NEU3: variants seen among roughly 807,000 people sequenced by gnomAD.
NEU3 encodes the protein sialidase-3.
NEU3 carries 10 observed loss-of-function variants against 11.4 expected under a neutral mutation model. That is an observed-to-expected ratio of 0.88 (90% CI 0.54 to 1.49). NEU3 has a LOEUF of 1.49. NEU3 is among the 40% of genes most tolerant of loss of function. The probability of loss-of-function intolerance (pLI) is 0.00; values close to 1 mark genes in which losing one functional copy is unlikely to be tolerated. For missense variants in NEU3, 529 were observed against 581.8 expected, an observed-to-expected ratio of 0.91 and a Z score of 0.93; for synonymous variants, 212 against 228.2, an observed-to-expected ratio of 0.93 and a Z score of 0.64.
upstream of NEU3, among the ~76,000 whole-genome samples, chr11:74,984,130 T>G (rs10793107): frequency 0.26 from 38,907 of 152,208 alleles, 5,884 homozygotes; most frequent in East Asian, 0.53. Flanking sequence ...AAAGCCAAGA[T>G]GGCATAGAAA....
intron 2 of NEU3, among the ~76,000 whole-genome samples, chr11:74,999,195 G>T (rs1256071200): frequency 1.3e-5 from 2 of 152,092 alleles, no homozygotes; most frequent in Non-Finnish European, 2.9e-5. Context: ...GAGTGCAGTG[G>T]CTATTCACAG....
At chr11:75,000,247 T>G (rs1489287344) in intron 2 of NEU3, among the ~76,000 whole-genome samples, 1 of 152,218 alleles carries the variant, frequency 6.6e-6, no homozygotes, top group African/African-American at 2.4e-5. Context: ...TGTAGTAAAA[T>G]ACATCTAACA....
intron 2 of NEU3, among the ~76,000 whole-genome samples, chr11:74,998,997 T>C (rs10899053): frequency 0.26 from 38,982 of 152,078 alleles, 5,873 homozygotes; most frequent in East Asian, 0.54. Context: ...TTAATCCTAT[T>C]TTTTAGAGAC....
At chr11:74,994,835 G>C (rs558513187) in intron 2 of NEU3, 115 bp downstream of exon 2, 3 of 1,016,028 alleles carry the variant, frequency 3.0e-6, no homozygotes, top group African/African-American at 1.6e-5. Flanking sequence ...GTGGGGAGCA[G>C]AGGCAGAAAA....
At chr11:74,997,934 T>C (rs189022055) in intron 2 of NEU3, among the ~76,000 whole-genome samples, 2 of 152,324 alleles carry the variant, frequency 1.3e-5, no homozygotes, top group African/African-American at 4.8e-5. Flanking sequence ...GCTATCGGCC[T>C]GTCTTGGCTT....
chr11:74,990,548 T>C (rs1948719781), intron 1 of NEU3, among the ~76,000 whole-genome samples: 1 of 151,988 alleles, frequency 6.6e-6, no homozygotes, highest in Non-Finnish European at 1.5e-5. Context: ...TTAGTAGAGA[T>C]GGGGTGTCAC....
chr11:75,000,700 C>T (rs1448566208), intron 2 of NEU3, among the ~76,000 whole-genome samples: 2 of 151,612 alleles, frequency 1.3e-5, no homozygotes, highest in African/African-American at 4.8e-5. Flanking sequence ...GCTCTGCAAC[C>T]TCGAACTCCT....
intron 1 of NEU3, among the ~76,000 whole-genome samples, chr11:74,990,412 A>T (rs1053539692): frequency 6.6e-6 from 1 of 151,766 alleles, no homozygotes; most frequent in Admixed American, 6.6e-5. Context: ...GCTGGAGTGC[A>T]GTGGTGCAGT....
At chr11:74,986,124 A>G (rs931309729), upstream of NEU3, among the ~76,000 whole-genome samples, 5 of 152,168 alleles carry the variant, frequency 3.3e-5, no homozygotes, top group Admixed American at 1.3e-4. Flanking sequence ...TTTTTGTTCA[A>G]TATTTTGTTT....
intron 1 of NEU3, among the ~76,000 whole-genome samples, chr11:74,993,059 G>A (rs1165094885): frequency 6.6e-6 from 1 of 152,182 alleles, no homozygotes; most frequent in Non-Finnish European, 1.5e-5. Flanking sequence ...GAAAACCAGA[G>A]TGGTTAGCTC....
rs766698480 is a variant in NEU3, at chr11:74,994,576, G to A, written c.162G>A (p.Gly54=). 3.7e-6 allele frequency: 6 copies of A among 1,613,826 alleles called. No homozygotes were observed. The highest frequency in any genetic ancestry group is 1.6e-4 in the Middle Eastern group (1 of 6,082). ...TGTTCCGGCAGGAAGATGACAGAGG[G>A]ATTACCTACCGGATCCCAGCCCTGC... ...SPLFRQEDDR[G]ITYRIPALLY... The change falls in exon 2 of 3, where the codon GGG becomes GGA. Residue 54 remains glycine (G), a synonymous_variant. Transcript: ENST00000294064.
intron 2 of NEU3, among the ~76,000 whole-genome samples, chr11:75,004,769 A>C (rs1336256340): frequency 6.6e-6 from 1 of 152,206 alleles, no homozygotes; most frequent in Non-Finnish European, 1.5e-5. Context: ...TCTATGCTTG[A>C]GCTTTCAACA....
At position 75,004,330 on chromosome 11, in the gene NEU3, G is replaced by A; in HGVS notation, c.307-1083G>A. The A allele has an allele frequency of 4.5e-6, 3 of 669,764 alleles. No individual in the cohort carries two copies. In the South Asian group the frequency reaches 4.8e-5, roughly 11 times the overall value. The allele number at this position is 669,764 out of a possible 1,614,324, so 41.5% of individuals were successfully genotyped here. On this transcript the variant is annotated intron_variant, in intron 2 of 2. Transcript: ENST00000294064. ...AGATGGGGTTTTGCCATGTTGCCCA[G>A]ACTGGTCTCAAACTCCTGGACTCAA...
At chr11:74,982,832 G>T in the NEU3 span, among the ~76,000 whole-genome samples, 1 of 152,138 alleles carries the variant, frequency 6.6e-6, no homozygotes, top group Admixed American at 6.5e-5. Context: ...CTGGGGCAAG[G>T]AGTCAAAGTG....
the NEU3 span, among the ~76,000 whole-genome samples, chr11:74,982,987 G>A: frequency 1.3e-5 from 2 of 152,002 alleles, no homozygotes; most frequent in Non-Finnish European, 2.9e-5. Context: ...GCTTGGTTTG[G>A]GTGCCCATAG....
Position 75,007,398 on chromosome 11 carries a change from T to C in NEU3, c.*906T>C, listed in dbSNP as rs1446062223. 2 of 152,200 alleles carry C rather than the reference T, an allele frequency of 1.3e-5. No individual in the cohort carries two copies. Among genetic ancestry groups the C allele is most frequent in the Non-Finnish European group, 2.9e-5 (2 of 68,048 alleles). The allele number at this position is 152,200 out of a possible 1,614,324, so 9.4% of individuals were successfully genotyped here. A position where few individuals can be genotyped will look rare whatever the true frequency, so the allele number is the denominator to read the frequency against. On this transcript the variant is annotated 3_prime_UTR_variant, in exon 3 of 3. Coordinates refer to ENST00000294064, the MANE Select transcript of NEU3 (RefSeq NM_006656.6). ...GCGAGAAAATTCAAGAAAATAAATG[T>C]AGCTGGTGGGAGACTTTGTAGATGT...
intron 2 of NEU3, among the ~76,000 whole-genome samples, chr11:74,997,753 C>T (rs938860502): frequency 2.7e-5 from 4 of 150,080 alleles, no homozygotes; most frequent in East Asian, 2.0e-4. Context: ...ATCCCAGCTA[C>T]TCAGGAGGCT....
At chr11:75,003,209 G>A (rs181393649) in intron 2 of NEU3, among the ~76,000 whole-genome samples, 3 of 152,068 alleles carry the variant, frequency 2.0e-5, no homozygotes, top group African/African-American at 4.8e-5. Context: ...GCCCTTTAAG[G>A]TTCCATCTCA....
chr11:74,999,729 A>G (rs960341692), intron 2 of NEU3, among the ~76,000 whole-genome samples: 1 of 152,150 alleles, frequency 6.6e-6, no homozygotes, highest in African/African-American at 2.4e-5. Context: ...GCTGGTTTTT[A>G]TGTGTGAATG....
Sources: allele counts gnomAD v4.1 joint callset (sites outside exome capture counted in the v4.1 genomes callset), GRCh38; gene constraint gnomAD v4.1.1; transcripts MANE v1.5; gene names NCBI Gene and HGNC (gene_info 2026-07-23, HGNC 2026-07-21).